Variants in LINC00237 observed in about 807,000 individuals in gnomAD.
LINC00237 encodes the protein long independently transcribed non-coding RNA 237.
intron 1 of LINC00237, among the ~76,000 whole-genome samples, chr20:21,097,306 A>C (rs1165363065): frequency 1.3e-5 from 2 of 152,164 alleles, no homozygotes; most frequent in African/African-American, 4.8e-5. Flanking sequence ...TAACTTTTAC[A>C]TGCTAACCTG....
At chr20:21,097,756 C>G (rs941256217) in intron 1 of LINC00237, among the ~76,000 whole-genome samples, 1 of 152,136 alleles carries the variant, frequency 6.6e-6, no homozygotes, top group Non-Finnish European at 1.5e-5. Flanking sequence ...CTCAACAAAC[C>G]TCTCTCCAAA....
At chr20:21,089,888 C>T (rs577230875) in intron 2 of LINC00237, 1 of 152,064 alleles carries the variant, frequency 6.6e-6, no homozygotes, top group East Asian at 1.9e-4. Context: ...ATATGGGTTC[C>T]GCATATAAGG....
At chr20:21,102,046 G>T (rs929655349) in intron 1 of LINC00237, among the ~76,000 whole-genome samples, 2 of 152,268 alleles carry the variant, frequency 1.3e-5, no homozygotes, top group East Asian at 3.9e-4. Flanking sequence ...GTTGGGCATC[G>T]CGGTATCTTC....
At chr20:21,102,354 C>T (rs190655120) in intron 1 of LINC00237, among the ~76,000 whole-genome samples, 40 of 152,318 alleles carry the variant, frequency 2.6e-4, no homozygotes, top group Admixed American at 2.4e-3. Flanking sequence ...TGTCTGGAAC[C>T]TTCCCTCTAG....
exon 2 of LINC00237, chr20:21,093,619 A>G (rs1387267578): frequency 1.3e-5 from 2 of 152,266 alleles, no homozygotes; most frequent in African/African-American, 2.4e-5. Context: ...ACATGTTCAC[A>G]GGTGCTGGAA....
chr20:21,104,016 C>T (rs1377147650), intron 1 of LINC00237, among the ~76,000 whole-genome samples: 1 of 142,318 alleles, frequency 7.0e-6, no homozygotes, highest in East Asian at 2.4e-4. Flanking sequence ...CATGTCATTA[C>T]TGAGACGCTC....
At chr20:21,097,912 A>G (rs1489493989) in intron 1 of LINC00237, among the ~76,000 whole-genome samples, 1 of 151,864 alleles carries the variant, frequency 6.6e-6, no homozygotes, top group Non-Finnish European at 1.5e-5. Context: ...TCATTAGTTT[A>G]AAAAAAAATT....
At chr20:21,086,994 T>A (rs1338593436) in intron 3 of LINC00237, among the ~76,000 whole-genome samples, 1 of 141,068 alleles carries the variant, frequency 7.1e-6, no homozygotes, top group Non-Finnish European at 1.5e-5. Context: ...CTATAGTACA[T>A]ATATAGTACA....
intron 2 of LINC00237, among the ~76,000 whole-genome samples, chr20:21,089,028 AT>A (rs1025137076): frequency 1.8e-4 from 27 of 151,930 alleles, no homozygotes; most frequent in African/African-American, 6.5e-4. Context: ...AGGAGACCCC[AT>A]GAGACACAGG....
intron 2 of LINC00237, among the ~76,000 whole-genome samples, chr20:21,092,139 G>T (rs2030801566): frequency 6.6e-6 from 1 of 152,146 alleles, no homozygotes; most frequent in South Asian, 2.1e-4. Flanking sequence ...AGTGTTCAAG[G>T]ACTCTGCTAA....
chr20:21,086,619 TACTATATATA>T lies in LINC00237; in HGVS notation n.560-741_560-732del, dbSNP rs1278182733. ...CTAGTATATATATGTATATATAGTA[TACTATATATA>T]GTATACTATATATAGTATACTATAT... is the stretch of plus-strand genomic sequence containing the variant. On this transcript the variant is annotated intron_variant and non_coding_transcript_variant, in intron 3 of 3. Coordinates refer to ENST00000691244, the Ensembl canonical transcript of LINC00237. 4.5e-3 allele frequency among the ~76,000 whole-genome samples: 547 copies of T among 121,554 alleles called. 9 individuals carry two copies. The highest frequency in any genetic ancestry group is 0.017 in the African/African-American group (505 of 30,310). 79.7% of individuals were successfully genotyped at this position (121,554 alleles called of 152,430 possible). A position where few individuals can be genotyped will look rare whatever the true frequency, so the allele number is the denominator to read the frequency against.
At chr20:21,086,667 C>CTA (rs1555861082) in intron 3 of LINC00237, among the ~76,000 whole-genome samples, 5 of 55,314 alleles carry the variant, frequency 9.0e-5, no homozygotes, top group African/African-American at 1.9e-4. Flanking sequence ...GTATAGTATA[C>CTA]TATATATAGT....
chr20:21,104,519 A>T (rs2030972528), intron 1 of LINC00237, among the ~76,000 whole-genome samples: 1 of 152,256 alleles, frequency 6.6e-6, no homozygotes, highest in Non-Finnish European at 1.5e-5. Flanking sequence ...CCTTTGGGCC[A>T]GGACAGAGAG....
intron 1 of LINC00237, among the ~76,000 whole-genome samples, chr20:21,099,467 C>T (rs2122180001): frequency 1.3e-5 from 2 of 152,174 alleles, no homozygotes; most frequent in East Asian, 3.9e-4. Flanking sequence ...TTTCCATGCG[C>T]GAATTGTCAC....
intron 1 of LINC00237, among the ~76,000 whole-genome samples, chr20:21,103,045 G>A (rs1320834867): frequency 6.6e-6 from 1 of 152,222 alleles, no homozygotes; most frequent in Non-Finnish European, 1.5e-5. Context: ...CCTGGAGGGC[G>A]CATTGGTGTG....
intron 2 of LINC00237, chr20:21,090,501 T>G (rs2030778146): frequency 6.6e-6 from 1 of 152,224 alleles, no homozygotes; most frequent in African/African-American, 2.4e-5. Context: ...CATCAGGCAG[T>G]CTGACACCGG....
intron 3 of LINC00237, among the ~76,000 whole-genome samples, chr20:21,086,690 CA>C (rs2030708506): frequency 1.1e-3 from 5 of 4,460 alleles, no homozygotes; most frequent in Non-Finnish European, 2.3e-3. Context: ...ACTACATATA[CA>C]TATGTAGTAT....
chr20:21,096,428 T>A (rs2030859229), intron 1 of LINC00237, among the ~76,000 whole-genome samples: 1 of 152,188 alleles, frequency 6.6e-6, no homozygotes, highest in Admixed American at 6.5e-5. Flanking sequence ...TCTACTTGCA[T>A]GCCACTGGCG....
intron 1 of LINC00237, among the ~76,000 whole-genome samples, chr20:21,095,709 C>T (rs2030849103): frequency 1.3e-5 from 2 of 152,188 alleles, no homozygotes; most frequent in Non-Finnish European, 1.5e-5. Context: ...GTGATGCCCT[C>T]CATAGGAGAT....
Sources: gnomAD v4.1 joint callset for allele counts (sites outside exome capture counted in the v4.1 genomes callset) on GRCh38, gnomAD v4.1.1 for gene constraint, MANE v1.5 for transcripts, NCBI Gene and HGNC (gene_info 2026-07-23, HGNC 2026-07-21) for gene names.